AFF1: variants seen among roughly 807,000 people sequenced by gnomAD.
AFF1 encodes the protein ALF transcription elongation factor 1.
Under a neutral mutation model 121.7 loss-of-function variants are expected in AFF1, and 48 were observed. The ratio of observed to expected loss-of-function variants is 0.39; its 90% CI spans 0.31 to 0.50. AFF1 has a LOEUF of 0.50. Among genes scored for constraint, AFF1 ranks in the 20% least tolerant of loss-of-function variants. The pLI is 0.76. For synonymous variants in AFF1, 613 were observed against 563.0 expected (o/e 1.09, Z -1.26); for missense variants, 1,523 against 1,511.7 (o/e 1.01, Z -0.12).
chr4:87,037,298 C>T (rs948827610), intron 2 of AFF1, among the ~76,000 whole-genome samples: 30 of 152,126 alleles, frequency 2.0e-4, no homozygotes, highest in African/African-American at 7.2e-4. Flanking sequence ...ACCCTAATCC[C>T]ATGCTGCTTG....
At chr4:87,101,506 G>A (rs1041140172) in intron 8 of AFF1, among the ~76,000 whole-genome samples, 2 of 152,032 alleles carry the variant, frequency 1.3e-5, no homozygotes, top group Non-Finnish European at 2.9e-5. Flanking sequence ...GAACCTGGAC[G>A]GCGAAGAGTT....
chr4:87,046,792 G>A lies in AFF1; in HGVS notation c.257G>A (p.Arg86His), dbSNP rs368134000. The A allele has an allele frequency of 2.0e-4, 316 of 1,613,984 alleles. No individual in the cohort carries two copies. The highest frequency in any genetic ancestry group is 2.5e-4 in the Non-Finnish European group (295 of 1,180,044). Residue 86 changes from arginine to histidine, a missense_variant, in exon 4 of 21, where the codon CGC becomes CAC. By Grantham distance (29) the Arg-to-His change is conservative. This residue lies in a region of AFF1 where 369 missense variants were observed against 367.2 expected (regional missense o/e 1.00). Transcript: ENST00000395146. ...EFLSTKSHTH[R>H]LDASENRLGK... is the part of the protein sequence containing the mutation. The stretch of plus-strand genomic sequence containing the variant: ...CTTAGTACTAAGTCTCACACTCATC[G>A]CCTGGATGCTTCTGAAAATAGGTTG...
rs750264930 is a variant in AFF1, at chr4:87,114,660, C to T, written c.1827C>T (p.Thr609=). ...CCCCACAAAGGCAAACCGTTGGAAC[C>T]AAACAACCCAAAAAACCTGTCAAGG... ...QEPPQRQTVG[T]KQPKKPVKAS... is the part of the protein sequence containing the mutation. The change falls in exon 12 of 21, where the codon ACC becomes ACT. Residue 609 remains threonine, a synonymous_variant. Coordinates refer to ENST00000395146, the MANE Select transcript of AFF1 (RefSeq NM_001166693.3). 2 of 1,613,338 alleles carry T rather than the reference C, an allele frequency of 1.2e-6. No individual in the cohort carries two copies. The highest frequency in any genetic ancestry group is 4.5e-5 in the East Asian group (2 of 44,778).
chr4:87,111,009 T>C (rs1306947196), intron 11 of AFF1, among the ~76,000 whole-genome samples: 1 of 83,200 alleles, frequency 1.2e-5, no homozygotes, highest in African/African-American at 5.6e-5. Flanking sequence ...TTTTTTTTTT[T>C]TTATTTTTTT....
At chr4:87,002,464 CTG>C in intron 2 of AFF1, among the ~76,000 whole-genome samples, 1 of 120,742 alleles carries the variant, frequency 8.3e-6, no homozygotes, top group East Asian at 2.8e-4. Context: ...TGGTGTCTCA[CTG>C]TGTTGCCCAG....
In AFF1 at chr4:87,047,352, C is replaced by T; in HGVS notation, c.817C>T (p.Pro273Ser). The change falls in exon 4 of 21, where the codon CCT becomes TCT. Residue 273 changes from proline (P) to serine (S), a missense_variant. Physicochemically the swap from Pro to Ser is moderately conservative, Grantham distance 74. Around this residue, in one of 5 missense-constraint regions of AFF1, gnomAD observed 369 missense variants for 367.2 expected, o/e 1.00. Transcript: ENST00000395146. ...GACCCCTCAAGACAGTTTGGTGGCC[C>T]CTGCCCAGCCGCCTTCTCAGACATT... Reference protein sequence around the residue: ...KETPQDSLVAPAQPPSQTFPP... With the variant: ...KETPQDSLVASAQPPSQTFPP... 1 of 1,614,130 alleles carries T rather than the reference C, an allele frequency of 6.2e-7. No individual in the cohort carries two copies.
rs769461656 is a variant in AFF1, at chr4:87,131,176, A to G, written c.3058A>G (p.Lys1020Glu). The G allele has an allele frequency of 6.2e-7, 1 of 1,614,228 alleles. No homozygotes were observed. The highest frequency in any genetic ancestry group is 8.5e-7 in the Non-Finnish European group (1 of 1,180,036). ...IATESESQSS[K>E]SAYSVYSETV... The stretch of plus-strand genomic sequence containing the variant: ...CACAGAGTCTGAAAGCCAGTCATCC[A>G]AGTCAGCTTACTCTGTCTACTCAGA... Residue 1020 changes from lysine to glutamate, a missense_variant, in exon 17 of 21, where the codon AAG (lysine) becomes GAG (glutamate). This residue lies in a region of AFF1 where 241 missense variants were observed against 265.2 expected (regional missense o/e 0.91). Transcript: ENST00000395146.
At chr4:86,958,093 T>C (rs55861109) in intron 2 of AFF1, among the ~76,000 whole-genome samples, 2 of 58,822 alleles carry the variant, frequency 3.4e-5, no homozygotes, top group South Asian at 6.5e-4. Flanking sequence ...TTTTTTTCCT[T>C]TTTTTTTTTT....
chr4:87,005,953 ATGTCTT>A (rs113964730), intron 2 of AFF1, among the ~76,000 whole-genome samples: 6,374 of 152,212 alleles, frequency 0.042, 429 homozygotes, highest in African/African-American at 0.15. Flanking sequence ...TGAAAAGACA[ATGTCTT>A]TGTGTTATTC....
At chr4:87,103,046 A>T (rs945524635) in intron 8 of AFF1, among the ~76,000 whole-genome samples, 1 of 152,232 alleles carries the variant, frequency 6.6e-6, no homozygotes, top group South Asian at 2.1e-4. Context: ...CTTCAGCTAC[A>T]TAGATTTTCT....
chr4:87,111,394 C>T (rs1047694202), intron 11 of AFF1, among the ~76,000 whole-genome samples: 3 of 152,022 alleles, frequency 2.0e-5, no homozygotes, highest in African/African-American at 7.3e-5. Flanking sequence ...CACTCTGTCA[C>T]CCAGACTGGA....
chr4:87,080,288 G>A (rs1298080793), intron 4 of AFF1, among the ~76,000 whole-genome samples: 1 of 152,196 alleles, frequency 6.6e-6, no homozygotes, highest in Non-Finnish European at 1.5e-5. Flanking sequence ...GCCAGAGAAG[G>A]ACTTACAAAC....
chr4:87,077,298 T>TTTTG (rs1354900468), intron 4 of AFF1, among the ~76,000 whole-genome samples: 1 of 5,802 alleles, frequency 1.7e-4, no homozygotes, highest in Non-Finnish European at 3.3e-4. Flanking sequence ...TTTTGTTTTG[T>TTTTG]TTTTTTTACA....
chr4:87,114,282 G>A (rs1447902438), intron 11 of AFF1, 85 bp from the exon 12 acceptor site: 1 of 1,226,222 alleles, frequency 8.2e-7, no homozygotes, highest in African/African-American at 1.5e-5. Flanking sequence ...CTGCAGGACA[G>A]TGTTGTATAA....
intron 12 of AFF1, among the ~76,000 whole-genome samples, chr4:87,117,930 G>T (rs1409888819): frequency 3.3e-5 from 5 of 152,198 alleles, no homozygotes; most frequent in Admixed American, 2.0e-4. Flanking sequence ...GCTCCAGCAG[G>T]CAGCAGTGTG....
chr4:86,985,861 GAAAA>G (rs555621618), intron 2 of AFF1, among the ~76,000 whole-genome samples: 1,535 of 149,950 alleles, frequency 0.01, 16 homozygotes, highest in African/African-American at 0.027. Context: ...GTTATTTACA[GAAAA>G]AAAAACTAAT....
chr4:87,027,817 TCTCA>T (rs1295516474), intron 2 of AFF1, among the ~76,000 whole-genome samples: 1 of 128,802 alleles, frequency 7.8e-6, no homozygotes, highest in East Asian at 2.4e-4. Context: ...TTGAGGTGAG[TCTCA>T]CTGTCGCCCA....
chr4:87,044,749 G>A (rs985977656), intron 2 of AFF1, among the ~76,000 whole-genome samples: 3 of 152,198 alleles, frequency 2.0e-5, no homozygotes, highest in African/African-American at 7.2e-5. Context: ...TTTCAGTAAA[G>A]AGAGCCTGGT....
rs533263396 is a variant in AFF1 at position 87,071,015 on chromosome 4, G to C, written c.1060-13105G>C. On this transcript the variant is annotated intron_variant, in intron 4 of 20. Coordinates refer to ENST00000395146, the MANE Select transcript of AFF1 (RefSeq NM_001166693.3). Reference sequence around the variant, plus strand: ...CGAAAAAGCAGTGAGAAAGGAAGAAGAACCCCCAATTTTTTCTTTGATTGA... The same window carrying C: ...CGAAAAAGCAGTGAGAAAGGAAGAACAACCCCCAATTTTTTCTTTGATTGA... Among the ~76,000 whole-genome samples the C allele has an allele frequency of 6.4e-3, 976 of 152,258 alleles. 13 individuals are homozygous for C. The highest frequency in any genetic ancestry group is 0.023 in the African/African-American group (939 of 41,528).
Sources: allele counts gnomAD v4.1 joint callset (sites outside exome capture counted in the v4.1 genomes callset), GRCh38; gene constraint gnomAD v4.1.1; regional missense constraint gnomAD v4.1.1; transcripts MANE v1.5; gene names NCBI Gene and HGNC (gene_info 2026-07-23, HGNC 2026-07-21).